The following UPRT variants were observed in gnomAD, a reference collection of about 807,000 sequenced individuals.
The protein encoded by UPRT is RP11-311P8.3.
Under a neutral mutation model 22.6 loss-of-function variants are expected in UPRT, and 5 were observed. That is an observed-to-expected ratio of 0.22 (90% CI 0.12 to 0.47). UPRT has a LOEUF of 0.47. Ranked by LOEUF, UPRT falls within the 20% of genes least tolerant of loss-of-function variation. The pLI, the probability that UPRT is intolerant of heterozygous loss-of-function variation, is 0.99. For synonymous variants in UPRT, 77 were observed against 87.7 expected (o/e 0.88, Z 0.68); for missense variants, 181 against 239.9 (o/e 0.75, Z 1.62).
chrX:75,167,597 A>G, intron 3 of UPRT, among the ~76,000 whole-genome samples: 1 of 112,035 alleles, frequency 8.9e-6, no homozygotes, highest in Non-Finnish European at 1.9e-5. Flanking sequence ...TTCCATATGC[A>G]TTTAATCTTA....
intron 5 of UPRT, 76 bp from the exon 6 acceptor site, chrX:75,300,790 TC>T (rs1226013897): frequency 1.4e-5 from 11 of 796,645 alleles, no homozygotes; most frequent in Non-Finnish European, 1.6e-5. Flanking sequence ...CTGTCCCCCC[TC>T]CCCCAAAAAA....
chrX:75,251,112 A>G (rs1415427055), intron 4 of UPRT, among the ~76,000 whole-genome samples: 2 of 111,530 alleles, frequency 1.8e-5, no homozygotes, highest in East Asian at 5.6e-4. Flanking sequence ...ATCATACTAA[A>G]TGGACAAAAA....
intron 4 of UPRT, among the ~76,000 whole-genome samples, chrX:75,240,159 T>G (rs1364714585): frequency 9.0e-6 from 1 of 110,946 alleles, no homozygotes; most frequent in Non-Finnish European, 1.9e-5. Flanking sequence ...ATCAAACTAT[T>G]GCTGTTTGGT....
chrX:75,228,439 A>G (rs1050544978), intron 4 of UPRT, among the ~76,000 whole-genome samples: 1 of 111,014 alleles, frequency 9.0e-6, no homozygotes, highest in African/African-American at 3.3e-5. Context: ...TATCCATCAC[A>G]TTTCCCTTCA....
At chrX:75,253,363 G>A (rs2082538595) in intron 4 of UPRT, among the ~76,000 whole-genome samples, 1 of 111,981 alleles carries the variant, frequency 8.9e-6, no homozygotes, top group Non-Finnish European at 1.9e-5. Flanking sequence ...CAATGAGATA[G>A]CATCTCCAAC....
chrX:75,247,289 C>T (rs1027500888), intron 4 of UPRT, among the ~76,000 whole-genome samples: 4 of 111,330 alleles, frequency 3.6e-5, no homozygotes, highest in African/African-American at 1.3e-4. Context: ...AGCATTGCCT[C>T]ATCCGGGAAG....
At chrX:75,184,763 A>C (rs767589214) in intron 4 of UPRT, among the ~76,000 whole-genome samples, 16 of 110,496 alleles carry the variant, frequency 1.4e-4, no homozygotes, top group African/African-American at 4.9e-4. Flanking sequence ...TTGGATTCCT[A>C]GGTATTTTAT....
At chrX:75,232,466 T>G (rs2082441986) in intron 4 of UPRT, among the ~76,000 whole-genome samples, 1 of 112,697 alleles carries the variant, frequency 8.9e-6, no homozygotes, top group Non-Finnish European at 1.9e-5. Flanking sequence ...CCTGCCTCTG[T>G]AGGCTCCACC....
chrX:75,226,283 C>T (rs962261930), intron 4 of UPRT, among the ~76,000 whole-genome samples: 1 of 111,711 alleles, frequency 9.0e-6, no homozygotes, highest in African/African-American at 3.3e-5. Context: ...CTATTGTAAA[C>T]TTGTGCCTAC....
intron 4 of UPRT, among the ~76,000 whole-genome samples, chrX:75,240,116 G>A (rs1035841035): frequency 9.0e-6 from 1 of 111,282 alleles, no homozygotes; most frequent in Non-Finnish European, 1.9e-5. Flanking sequence ...ACAAGTGAAA[G>A]AAATAAAGGG....
chrX:75,235,561 A>T (rs1046896865), intron 4 of UPRT, among the ~76,000 whole-genome samples: 1 of 111,910 alleles, frequency 8.9e-6, no homozygotes, highest in Non-Finnish European at 1.9e-5. Flanking sequence ...AAATACTGGC[A>T]AACCGAATCC....
chrX:75,184,198 GT>G (rs2082281127), intron 4 of UPRT, among the ~76,000 whole-genome samples: 1 of 111,441 alleles, frequency 9.0e-6, no homozygotes, highest in Admixed American at 9.5e-5. Flanking sequence ...ATTGATTTTT[GT>G]ATAAGGTGTA....
chrX:75,258,223 T>C (rs58705590), intron 4 of UPRT, among the ~76,000 whole-genome samples: 1 of 74,569 alleles, frequency 1.3e-5, no homozygotes, highest in East Asian at 8.2e-3. Flanking sequence ...TTTTTCTTTC[T>C]TTTTTTTTTT....
rs779893995 is a variant in UPRT at position 75,299,868 on chromosome X, A to G, written c.696A>G (p.Arg232=). 4 of 1,211,769 alleles carry G rather than the reference A, an allele frequency of 3.3e-6. No individual in the cohort carries two copies. The East Asian group carries it at 1.2e-4, about 36-fold the overall frequency. Residue 232 remains arginine (R), a synonymous_variant, in exon 5 of 7, where the codon AGA becomes AGG. Transcript: ENST00000373383. ...YAKFPPDIYR[R]KVLLMYPILS... Reference sequence around the variant, plus strand: ...AATTCCCCCCAGACATTTACCGGAGAAAAGTCCTTCTGATGTATCCAATTC... The same window carrying G: ...AATTCCCCCCAGACATTTACCGGAGGAAAGTCCTTCTGATGTATCCAATTC...
chrX:75,220,949 C>T (rs1290592032), intron 4 of UPRT, among the ~76,000 whole-genome samples: 1 of 111,794 alleles, frequency 8.9e-6, no homozygotes, highest in Admixed American at 9.5e-5. Flanking sequence ...TGCTTATTAA[C>T]ATCATTTTGT....
At chrX:75,162,402 A>AC (rs2082202732) in intron 2 of UPRT, among the ~76,000 whole-genome samples, 2 of 111,911 alleles carry the variant, frequency 1.8e-5, no homozygotes, top group Non-Finnish European at 3.8e-5. Flanking sequence ...GCTATAGATT[A>AC]ATAACTCAGT....
chrX:75,275,185 G>A (rs1020624415), intron 1 of UPRT, among the ~76,000 whole-genome samples: 1 of 111,596 alleles, frequency 9.0e-6, no homozygotes, highest in African/African-American at 3.3e-5. Context: ...AAAGCTTATC[G>A]TCCAACTCTT....
At chrX:75,171,902 G>T (rs1193477361) in intron 4 of UPRT, among the ~76,000 whole-genome samples, 1 of 111,830 alleles carries the variant, frequency 8.9e-6, no homozygotes, top group Non-Finnish European at 1.9e-5. Context: ...TTGGTACTGG[G>T]GGTTGTCTGC....
At chrX:75,171,392 T>G (rs966283266) in intron 4 of UPRT, among the ~76,000 whole-genome samples, 2 of 112,023 alleles carry the variant, frequency 1.8e-5, no homozygotes, top group Non-Finnish European at 3.8e-5. Context: ...CATTTTGCAT[T>G]TTGCTAAATG....
Sources: allele counts gnomAD v4.1 joint callset (sites outside exome capture counted in the v4.1 genomes callset), GRCh38; gene constraint gnomAD v4.1.1; transcripts MANE v1.5; gene names NCBI Gene and HGNC (gene_info 2026-07-23, HGNC 2026-07-21).